The following GPC5 variants were observed in gnomAD, a reference collection of about 807,000 sequenced individuals.
GPC5 encodes the protein glypican-5.
Under a neutral mutation model 53.9 loss-of-function variants are expected in GPC5, and 47 were observed. The observed-to-expected ratio is 0.87, with a 90% CI of 0.69 to 1.11. The LOEUF (loss-of-function observed/expected upper bound fraction) is 1.11, where lower values mean the gene tolerates loss of function less well. Among genes scored for constraint, GPC5 ranks in the 50% most tolerant of loss-of-function variants. GPC5 has a pLI of 0.00. For missense variants in GPC5, 748 were observed against 713.1 expected (o/e 1.05, Z -0.56); for synonymous variants, 286 against 263.3 (o/e 1.09, Z -0.84).
intron 7 of GPC5, among the ~76,000 whole-genome samples, chr13:92,174,191 C>G (rs1164008546): frequency 6.6e-6 from 1 of 151,866 alleles, no homozygotes; most frequent in African/African-American, 2.4e-5. Flanking sequence ...AAATATGTGT[C>G]TATGTATATT....
intron 2 of GPC5, among the ~76,000 whole-genome samples, chr13:91,550,082 G>T (rs1036837005): frequency 6.6e-6 from 1 of 152,014 alleles, no homozygotes; most frequent in South Asian, 2.1e-4. Flanking sequence ...CTATCAAATG[G>T]TGAAAAGACA....
chr13:91,794,154 C>T, intron 5 of GPC5, among the ~76,000 whole-genome samples: 1 of 152,114 alleles, frequency 6.6e-6, no homozygotes, highest in Non-Finnish European at 1.5e-5. Flanking sequence ...GATCCATTTT[C>T]CTCAAGAATA....
At chr13:92,557,067 T>C (rs1184509735) in intron 7 of GPC5, among the ~76,000 whole-genome samples, 1 of 151,804 alleles carries the variant, frequency 6.6e-6, no homozygotes, top group Non-Finnish European at 1.5e-5. Context: ...TTCATTTTTT[T>C]TGGTCTTAGC....
At chr13:91,637,881 A>G (rs762615399) in intron 2 of GPC5, among the ~76,000 whole-genome samples, 18 of 152,336 alleles carry the variant, frequency 1.2e-4, no homozygotes, top group Non-Finnish European at 1.2e-4. Context: ...TCATTCTTCA[A>G]GAACTCCTCT....
At chr13:91,623,544 C>T (rs116469101) in intron 2 of GPC5, among the ~76,000 whole-genome samples, 3,788 of 152,100 alleles carry the variant, frequency 0.025, 149 homozygotes, top group African/African-American at 0.086. Flanking sequence ...TTTTATGGCA[C>T]CAGGGTTTAT....
chr13:91,618,969 C>G (rs757679598), intron 2 of GPC5, among the ~76,000 whole-genome samples: 5 of 152,036 alleles, frequency 3.3e-5, no homozygotes, highest in Non-Finnish European at 7.4e-5. Context: ...TATACTACTA[C>G]TATAGCACTA....
At chr13:91,849,509 C>T (rs575348760) in intron 5 of GPC5, among the ~76,000 whole-genome samples, 14 of 151,506 alleles carry the variant, frequency 9.2e-5, no homozygotes, top group Non-Finnish European at 1.6e-4. Context: ...TTTTTTTTGG[C>T]CAAACCTCAA....
At chr13:91,556,014 T>A (rs1387457845) in intron 2 of GPC5, among the ~76,000 whole-genome samples, 2 of 151,964 alleles carry the variant, frequency 1.3e-5, no homozygotes, top group East Asian at 3.9e-4. Flanking sequence ...AACACCAAGG[T>A]GTAGAATGTT....
At chr13:92,307,560 T>C (rs1358671654) in intron 7 of GPC5, among the ~76,000 whole-genome samples, 2 of 152,276 alleles carry the variant, frequency 1.3e-5, no homozygotes, top group Middle Eastern at 3.2e-3. Context: ...TTTCTTTACA[T>C]TCCTAAAGTT....
chr13:92,573,869 C>T (rs1378552011), intron 7 of GPC5, among the ~76,000 whole-genome samples: 1 of 152,166 alleles, frequency 6.6e-6, no homozygotes, highest in Non-Finnish European at 1.5e-5. Flanking sequence ...TTGCAGTCCA[C>T]CTGCACCCTG....
intron 7 of GPC5, among the ~76,000 whole-genome samples, chr13:92,268,938 T>A (rs1015987959): frequency 6.6e-6 from 1 of 152,106 alleles, no homozygotes; most frequent in Admixed American, 6.5e-5. Flanking sequence ...TAATTGTAGA[T>A]CTTTATTAAG....
chr13:92,563,596 A>G (rs1466362597), intron 7 of GPC5, among the ~76,000 whole-genome samples: 1 of 152,088 alleles, frequency 6.6e-6, no homozygotes, highest in Non-Finnish European at 1.5e-5. Flanking sequence ...GCTAACAAAT[A>G]TAGAAAAAAC....
chr13:91,773,186 A>G (rs1391455921), intron 5 of GPC5, among the ~76,000 whole-genome samples: 1 of 152,204 alleles, frequency 6.6e-6, no homozygotes, highest in Non-Finnish European at 1.5e-5. Flanking sequence ...CTGGAAGAAA[A>G]GCATTGATCA....
intron 2 of GPC5, among the ~76,000 whole-genome samples, chr13:91,627,937 A>T (rs527560817): frequency 3.5e-4 from 53 of 152,294 alleles, no homozygotes; most frequent in Middle Eastern, 3.4e-3. Flanking sequence ...GTTTATCTCT[A>T]TATAAGGGAA....
At chr13:92,207,183 CCT>C (rs944620671) in intron 7 of GPC5, among the ~76,000 whole-genome samples, 12 of 152,160 alleles carry the variant, frequency 7.9e-5, no homozygotes, top group Admixed American at 1.3e-4. Flanking sequence ...GCAAGTCCCT[CCT>C]CTCTTTCCTT....
intron 7 of GPC5, among the ~76,000 whole-genome samples, chr13:92,391,661 A>G (rs9634482): frequency 0.04 from 6,106 of 152,262 alleles, 189 homozygotes; most frequent in East Asian, 0.15. Flanking sequence ...TGAATAATAT[A>G]TATTCTAATT....
At chr13:92,196,201 C>T (rs2042255700) in intron 7 of GPC5, among the ~76,000 whole-genome samples, 1 of 151,724 alleles carries the variant, frequency 6.6e-6, no homozygotes, top group South Asian at 2.1e-4. Context: ...CAATGAAGTA[C>T]TAAGTATCTA....
chr13:92,861,202 C>T (rs1879170154), intron 7 of GPC5, among the ~76,000 whole-genome samples: 1 of 152,052 alleles, frequency 6.6e-6, no homozygotes, highest in Non-Finnish European at 1.5e-5. Context: ...CCAATTGGCA[C>T]TTAATTTGCT....
intron 6 of GPC5, among the ~76,000 whole-genome samples, chr13:92,038,371 GATA>G (rs1566406870): frequency 6.7e-5 from 9 of 135,250 alleles, no homozygotes; most frequent in South Asian, 4.8e-4. Flanking sequence ...TAGATAGATA[GATA>G]GATAGATAGG....
Sources: gnomAD v4.1 joint callset for allele counts (sites outside exome capture counted in the v4.1 genomes callset) on GRCh38, gnomAD v4.1.1 for gene constraint, MANE v1.5 for transcripts, NCBI Gene and HGNC (gene_info 2026-07-23, HGNC 2026-07-21) for gene names.